Variants in SLC25A21 observed in about 807,000 individuals in gnomAD.
The protein encoded by SLC25A21 is mitochondrial 2-oxodicarboxylate carrier.
Under a neutral mutation model 43.8 loss-of-function variants are expected in SLC25A21, and 47 were observed. The observed-to-expected ratio is 1.07, with a 90% CI of 0.85 to 1.37. The LOEUF is 1.37. SLC25A21 is among the 40% of genes most tolerant of loss of function. The pLI, the probability that SLC25A21 is intolerant of heterozygous loss-of-function variation, is 0.00. For synonymous variants in SLC25A21, 131 were observed against 121.3 expected, an observed-to-expected ratio of 1.08 and a Z score of -0.52; for missense variants, 352 against 350.2, an observed-to-expected ratio of 1.00 and a Z score of -0.04.
Position 36,680,569 on chromosome 14 carries a change from T to C in SLC25A21, c.*89A>G, listed in dbSNP as rs1337573553. ...TGAACAGTTTTCTCCTTCATAATTA[T>C]ACACCTGGCCGATCGATAGTCTCTC... On this transcript the variant is annotated 3_prime_UTR_variant, in exon 10 of 10. Transcript: ENST00000331299. 1 of 1,496,892 alleles carries C rather than the reference T, an allele frequency of 6.7e-7. No homozygotes were observed. Among genetic ancestry groups the C allele is most frequent in the African/African-American group, 1.4e-5 (1 of 70,436 alleles). 92.7% of individuals were successfully genotyped at this position (1,496,892 alleles called of 1,614,324 possible).
At chr14:36,766,083 T>C (rs755046691) in intron 3 of SLC25A21, among the ~76,000 whole-genome samples, 3 of 152,084 alleles carry the variant, frequency 2.0e-5, no homozygotes, top group Non-Finnish European at 4.4e-5. Context: ...GTTTCTCTAG[T>C]TCTTGCCTAG....
chr14:36,802,629 G>T (rs1361343055), intron 3 of SLC25A21, among the ~76,000 whole-genome samples: 1 of 152,130 alleles, frequency 6.6e-6, no homozygotes, highest in African/African-American at 2.4e-5. Flanking sequence ...TGTTGTTACA[G>T]AGGAACAAAG....
intron 3 of SLC25A21, among the ~76,000 whole-genome samples, chr14:36,745,894 CCATGATGAGATATCATCACCTTA>C (rs1885476799): frequency 6.6e-6 from 1 of 152,004 alleles, no homozygotes; most frequent in South Asian, 2.1e-4. Context: ...CAAATTAAAA[CCATGATGAGATATCATCACCTTA>C]CACTAGTTAG....
At chr14:36,708,516 C>T (rs10141247) in intron 7 of SLC25A21, among the ~76,000 whole-genome samples, 15,302 of 152,148 alleles carry the variant, frequency 0.1, 1,273 homozygotes, top group East Asian at 0.48. Flanking sequence ...TGGTTCACTG[C>T]AGTCTTGCCC....
At chr14:36,960,029 CA>C (rs1396156877) in intron 1 of SLC25A21, among the ~76,000 whole-genome samples, 1 of 152,058 alleles carries the variant, frequency 6.6e-6, no homozygotes, top group Non-Finnish European at 1.5e-5. Flanking sequence ...GACTGTTCCC[CA>C]TAAAATGAGA....
intron 7 of SLC25A21, among the ~76,000 whole-genome samples, chr14:36,705,548 C>T (rs1465343038): frequency 6.6e-6 from 1 of 151,992 alleles, no homozygotes; most frequent in Non-Finnish European, 1.5e-5. Context: ...AAATACTTTC[C>T]CTCCACCGCT....
chr14:36,812,384 A>G (rs570771618), intron 3 of SLC25A21, among the ~76,000 whole-genome samples: 1 of 151,786 alleles, frequency 6.6e-6, no homozygotes, highest in East Asian at 1.9e-4. Context: ...GAAAACATGC[A>G]TATCATTTGA....
At chr14:36,719,948 C>G (rs1226316350) in intron 6 of SLC25A21, among the ~76,000 whole-genome samples, 1 of 152,108 alleles carries the variant, frequency 6.6e-6, no homozygotes, top group South Asian at 2.1e-4. Context: ...TCCTATTATT[C>G]GGCTGCCATG....
intron 1 of SLC25A21, among the ~76,000 whole-genome samples, chr14:37,155,164 A>C (rs2138940364): frequency 6.6e-6 from 1 of 151,884 alleles, no homozygotes; most frequent in East Asian, 1.9e-4. Flanking sequence ...TCTGCTTCCG[A>C]GATTCCAGCA....
chr14:36,975,384 A>G (rs1318247064), intron 1 of SLC25A21, among the ~76,000 whole-genome samples: 1 of 152,200 alleles, frequency 6.6e-6, no homozygotes, highest in Admixed American at 6.5e-5. Flanking sequence ...AGATAAAATA[A>G]TAATTGTAAA....
At chr14:36,703,424 A>G (rs2139174021) in intron 7 of SLC25A21, among the ~76,000 whole-genome samples, 1 of 152,342 alleles carries the variant, frequency 6.6e-6, no homozygotes, top group South Asian at 2.1e-4. Flanking sequence ...GTTTGACTTA[A>G]TGCTGTCTGT....
intron 4 of SLC25A21, among the ~76,000 whole-genome samples, chr14:36,732,924 T>A (rs958818134): frequency 3.9e-5 from 6 of 152,228 alleles, no homozygotes; most frequent in Non-Finnish European, 7.3e-5. Context: ...AAACAAGATG[T>A]CTGGGACACA....
At chr14:36,710,797 C>T (rs1883823951) in intron 7 of SLC25A21, among the ~76,000 whole-genome samples, 1 of 152,010 alleles carries the variant, frequency 6.6e-6, no homozygotes, top group South Asian at 2.1e-4. Context: ...TGTTATTTTG[C>T]CTCAAAAGCA....
intron 1 of SLC25A21, among the ~76,000 whole-genome samples, chr14:36,924,069 C>T (rs1892059184): frequency 6.6e-6 from 1 of 152,056 alleles, no homozygotes; most frequent in African/African-American, 2.4e-5. Context: ...CACTTTTACA[C>T]TGTTGGTGGG....
chr14:37,128,984 T>G (rs775855412), intron 1 of SLC25A21, among the ~76,000 whole-genome samples: 8 of 152,148 alleles, frequency 5.3e-5, no homozygotes, highest in Admixed American at 2.6e-4. Context: ...TTAAATTAAT[T>G]AAAACTAAAT....
intron 3 of SLC25A21, among the ~76,000 whole-genome samples, chr14:36,779,609 C>CATACATATATATATATATAT (rs1886972147): frequency 8.2e-6 from 1 of 122,484 alleles, no homozygotes; most frequent in Non-Finnish European, 1.7e-5. Context: ...TATGTGTATA[C>CATACATATATATATATATAT]ATATATATAT....
intron 1 of SLC25A21, among the ~76,000 whole-genome samples, chr14:37,120,658 A>T (rs1381783881): frequency 6.6e-6 from 1 of 152,120 alleles, no homozygotes; most frequent in African/African-American, 2.4e-5. Context: ...GCTGTGGGCC[A>T]TTCCTAAGCT....
At chr14:36,965,485 T>C (rs1959592355) in intron 1 of SLC25A21, among the ~76,000 whole-genome samples, 2 of 152,162 alleles carry the variant, frequency 1.3e-5, no homozygotes, top group South Asian at 2.1e-4. Context: ...TCTCATGAGA[T>C]TGTGATATTT....
intron 1 of SLC25A21, among the ~76,000 whole-genome samples, chr14:37,002,167 C>A (rs943863504): frequency 6.6e-6 from 1 of 152,004 alleles, no homozygotes; most frequent in Admixed American, 6.6e-5. Flanking sequence ...TGAAACCAAG[C>A]AAAAAGCACC....
Sources: gnomAD v4.1 joint callset for allele counts (sites outside exome capture counted in the v4.1 genomes callset) on GRCh38, gnomAD v4.1.1 for gene constraint, MANE v1.5 for transcripts, NCBI Gene and HGNC (gene_info 2026-07-23, HGNC 2026-07-21) for gene names.